Variants in DPP6 observed in about 807,000 individuals in gnomAD.
DPP6 encodes A-type potassium channel modulatory protein DPP6.
A neutral mutation model predicts 122.6 loss-of-function variants in DPP6; 69 were observed. That is an observed-to-expected ratio of 0.56 (90% CI 0.46 to 0.69). The LOEUF is 0.69. Among genes scored for constraint, DPP6 ranks in the 30% least tolerant of loss-of-function variants. DPP6 has a pLI of 0.00. For synonymous variants in DPP6, 418 were observed against 433.1 expected, an observed-to-expected ratio of 0.97 and a Z score of 0.43; for missense variants, 928 against 1,116.9, an observed-to-expected ratio of 0.83 and a Z score of 2.41.
At chr7:153,831,756 G>A in the DPP6 span, among the ~76,000 whole-genome samples, 1 of 152,154 alleles carries the variant, frequency 6.6e-6, no homozygotes, top group Non-Finnish European at 1.5e-5. Context: ...GTATAACGCA[G>A]GCAGTGGGCT....
chr7:153,930,945 A>T (rs1376458618), intron 1 of DPP6, among the ~76,000 whole-genome samples: 1 of 152,196 alleles, frequency 6.6e-6, no homozygotes, highest in Non-Finnish European at 1.5e-5. Flanking sequence ...CTTGTTTTAG[A>T]ACAATGTGAC....
At chr7:153,838,936 C>T in the DPP6 span, among the ~76,000 whole-genome samples, 2 of 152,186 alleles carry the variant, frequency 1.3e-5, no homozygotes, top group Non-Finnish European at 2.9e-5. Flanking sequence ...CAGTACCCAA[C>T]ACCAGTGGTT....
intron 1 of DPP6, among the ~76,000 whole-genome samples, chr7:154,416,940 G>A (rs929342927): frequency 1.3e-5 from 2 of 152,098 alleles, no homozygotes; most frequent in Non-Finnish European, 2.9e-5. Context: ...TCTAAAAGGG[G>A]CTCATAGGCT....
intron 2 of DPP6, among the ~76,000 whole-genome samples, chr7:154,450,257 A>AG (rs149318335): frequency 0.01 from 1,564 of 152,274 alleles, 24 homozygotes; most frequent in African/African-American, 0.034. Context: ...AGGTAGAGGT[A>AG]GGGAGAAAAT....
chr7:154,510,334 A>G (rs1332344029), intron 3 of DPP6, among the ~76,000 whole-genome samples: 1 of 152,184 alleles, frequency 6.6e-6, no homozygotes, highest in East Asian at 1.9e-4. Flanking sequence ...ATGTATATAC[A>G]AATGGAGCTA....
intron 6 of DPP6, among the ~76,000 whole-genome samples, chr7:154,667,295 A>T (rs1838226705): frequency 1.3e-5 from 2 of 152,156 alleles, no homozygotes; most frequent in African/African-American, 4.8e-5. Context: ...CTGTCATGCA[A>T]AAGTTTTATG....
At chr7:154,073,502 G>A (rs1483626097) in intron 1 of DPP6, among the ~76,000 whole-genome samples, 1 of 152,242 alleles carries the variant, frequency 6.6e-6, no homozygotes, top group Non-Finnish European at 1.5e-5. Flanking sequence ...ATTCACTTAA[G>A]TGTCGGCCGT....
At chr7:154,702,054 A>T (rs1341536442) in intron 7 of DPP6, among the ~76,000 whole-genome samples, 2 of 152,204 alleles carry the variant, frequency 1.3e-5, no homozygotes, top group Non-Finnish European at 1.5e-5. Context: ...CAATATTTTG[A>T]ACTTTTTCAT....
chr7:153,882,793 T>G (rs38988), upstream of DPP6, among the ~76,000 whole-genome samples: 26,664 of 152,090 alleles, frequency 0.18, 2,621 homozygotes, highest in Middle Eastern at 0.3. Flanking sequence ...TGGCAGACCC[T>G]ATGGGGCTTA....
intron 1 of DPP6, among the ~76,000 whole-genome samples, chr7:154,045,640 T>C (rs1799983332): frequency 1.3e-5 from 2 of 152,346 alleles, no homozygotes; most frequent in Non-Finnish European, 2.9e-5. Context: ...AGCTTTATTG[T>C]GAACACATTT....
rs1335056675 is a variant in DPP6, at chr7:154,804,951, C to T, written c.1534C>T (p.Arg512Ter). Residue 512 changes from arginine (R) to a stop codon, truncating the protein, a stop_gained, in exon 15 of 26, where the codon CGA (arginine) becomes TGA (stop). Coordinates refer to ENST00000377770, the MANE Select transcript of DPP6 (RefSeq NM_130797.4). LOFTEE classifies it high-confidence loss of function. ...FLSTEDLPRR[R>*]QLYSANTVGN... ...GAGCACGGAGGACCTGCCTCGGAGA[C>T]GACAACTCTACAGGTAACTCCTGCT... The T allele has an allele frequency of 1.5e-5, 24 of 1,600,576 alleles. No homozygotes were observed. The highest frequency in any genetic ancestry group is 1.8e-5 in the Non-Finnish European group (21 of 1,173,388).
chr7:154,717,429 C>T (rs886074011), intron 7 of DPP6, among the ~76,000 whole-genome samples: 8 of 151,206 alleles, frequency 5.3e-5, no homozygotes, highest in East Asian at 2.0e-4. Context: ...TTCCCAGCAC[C>T]GTTCTACTCT....
chr7:153,766,607 GT>G, the DPP6 span, among the ~76,000 whole-genome samples: 7 of 151,788 alleles, frequency 4.6e-5, no homozygotes, highest in African/African-American at 1.5e-4. Context: ...GAATCCATGA[GT>G]TTTTTTTAAT....
Position 153,965,543 on chromosome 7 carries a change from C to T in DPP6, c.51+77809C>T, listed in dbSNP as rs139113803. ...TTTTTTATTTTTTGAGATGGAGTCT[C>T]GCTGTGTCCCCCAGGTTGGAGCACA... On this transcript the variant is annotated intron_variant, in intron 1 of 25. Coordinates refer to the DPP6 transcript ENST00000404039. 4.3e-3 allele frequency among the ~76,000 whole-genome samples: 653 copies of T among 152,182 alleles called. 7 individuals carry two copies. Among genetic ancestry groups the T allele is most frequent in the African/African-American group, 0.014 (601 of 41,520 alleles).
At chr7:153,991,169 G>C (rs914705454) in intron 1 of DPP6, among the ~76,000 whole-genome samples, 2 of 152,124 alleles carry the variant, frequency 1.3e-5, no homozygotes. Context: ...AGGAAGTAAA[G>C]AGCACACACC....
chr7:154,165,659 C>T (rs1408169344), intron 1 of DPP6, among the ~76,000 whole-genome samples: 1 of 151,862 alleles, frequency 6.6e-6, no homozygotes, highest in African/African-American at 2.4e-5. Context: ...CACATCCTCT[C>T]CATCACCTGT....
At chr7:154,441,792 C>G (rs1819398278) in intron 1 of DPP6, among the ~76,000 whole-genome samples, 1 of 152,138 alleles carries the variant, frequency 6.6e-6, no homozygotes, top group South Asian at 2.1e-4. Flanking sequence ...GGGTTTCTTG[C>G]ACTCGAGATA....
chr7:154,171,147 T>C (rs1386011545), intron 1 of DPP6, among the ~76,000 whole-genome samples: 8 of 152,254 alleles, frequency 5.3e-5, no homozygotes, highest in Non-Finnish European at 1.2e-4. Context: ...GATCTTGGGC[T>C]AGCTGCCTAA....
chr7:154,217,785 C>G (rs1317676230), intron 1 of DPP6, among the ~76,000 whole-genome samples: 10 of 152,142 alleles, frequency 6.6e-5, no homozygotes, highest in Admixed American at 6.5e-4. Context: ...TCCTGCCCAG[C>G]TCAGGGTGGA....
Sources: gnomAD v4.1 joint callset for allele counts (sites outside exome capture counted in the v4.1 genomes callset) on GRCh38, gnomAD v4.1.1 for gene constraint, MANE v1.5 for transcripts, NCBI Gene and HGNC (gene_info 2026-07-23, HGNC 2026-07-21) for gene names.